Variants in GNAI1 observed in about 807,000 individuals in gnomAD.
GNAI1 encodes the protein guanine nucleotide-binding protein G(i) subunit alpha-1.
A neutral mutation model predicts 38.9 loss-of-function variants in GNAI1; 11 were observed. The ratio of observed to expected loss-of-function variants is 0.28; its 90% CI spans 0.18 to 0.47. GNAI1 has a LOEUF of 0.47. Ranked by LOEUF, GNAI1 falls within the 20% of genes least tolerant of loss-of-function variation. GNAI1 has a pLI of 0.99. For missense variants in GNAI1, 317 were observed against 436.9 expected (o/e 0.73, Z 2.45); for synonymous variants, 166 against 145.1 (o/e 1.14, Z -1.04).
intron 1 of GNAI1, among the ~76,000 whole-genome samples, chr7:80,184,516 A>T (rs1431999875): frequency 1.3e-5 from 2 of 152,106 alleles, no homozygotes; most frequent in East Asian, 3.9e-4. Flanking sequence ...GCATTCCTAG[A>T]GGAAGGTCAT....
chr7:80,189,919 A>G (rs968766766), intron 3 of GNAI1, among the ~76,000 whole-genome samples: 10 of 151,848 alleles, frequency 6.6e-5, no homozygotes, highest in African/African-American at 2.4e-4. Context: ...AGCCCAATCC[A>G]ATCCGTAAGG....
intron 1 of GNAI1, 105 bp downstream of exon 1, chr7:80,135,383 G>A (rs1787391598): frequency 3.3e-6 from 2 of 613,362 alleles, no homozygotes; most frequent in Non-Finnish European, 5.0e-6. Flanking sequence ...GGAAGCGCCC[G>A]AGGAGGCTTC....
Position 80,166,970 on chromosome 7 carries a change from A to G in GNAI1, c.119-21981A>G, listed in dbSNP as rs558160457. On this transcript the variant is annotated intron_variant, in intron 1 of 7. Coordinates refer to ENST00000649796, the MANE Select transcript of GNAI1 (RefSeq NM_002069.6). ...ATTAGAGTATATTACCTGAGATGTC[A>G]AACAGCCTGTGAGAGCTGATGAGGT... is the stretch of plus-strand genomic sequence containing the variant. Among the ~76,000 whole-genome samples the G allele has an allele frequency of 2.0e-5, 3 of 152,308 alleles. No individual in the cohort carries two copies. In the East Asian group the frequency reaches 5.8e-4, roughly 29 times the overall value.
In GNAI1 at chr7:80,225,957, T is replaced by C. The variant is rs1183309301; in HGVS notation, c.*8464T>C. Among the ~76,000 whole-genome samples the C allele has an allele frequency of 6.6e-6, 1 of 152,198 alleles. No individual in the cohort carries two copies. The highest frequency in any genetic ancestry group is 1.5e-5 in the Non-Finnish European group (1 of 68,028). On this transcript the variant is annotated 3_prime_UTR_variant, in exon 8 of 8. Coordinates refer to ENST00000649796, the MANE Select transcript of GNAI1 (RefSeq NM_002069.6). ...GTGTGCATCAAATAAAAGTTTACTA[T>C]ATTGGAATATGGGAATAAATTCATT...
chr7:80,140,219 C>G (rs1444985613), intron 1 of GNAI1, among the ~76,000 whole-genome samples: 1 of 152,058 alleles, frequency 6.6e-6, no homozygotes, highest in East Asian at 1.9e-4. Flanking sequence ...CTCCTGACCT[C>G]GTGATCCGCC....
At chr7:80,161,778 C>T (rs924994261) in intron 1 of GNAI1, among the ~76,000 whole-genome samples, 1 of 151,916 alleles carries the variant, frequency 6.6e-6, no homozygotes, top group African/African-American at 2.4e-5. Context: ...TTTAGCATCC[C>T]TTGGTTTATA....
rs376869657 is a variant in GNAI1 at position 80,187,186 on chromosome 7, G to GGT, written c.119-1746_119-1745dup. 8.2e-3 allele frequency: 1,164 copies of GGT among 142,422 alleles called. 19 individuals carry two copies. Among genetic ancestry groups the GGT allele is most frequent in the East Asian group, 0.049 (244 of 4,984 alleles). The allele number at this position is 142,422 out of a possible 1,614,324, so 8.8% of individuals were successfully genotyped here. A position where few individuals can be genotyped will look rare whatever the true frequency, so the allele number is the denominator to read the frequency against. On this transcript the variant is annotated intron_variant, in intron 1 of 7. Coordinates refer to ENST00000649796, the MANE Select transcript of GNAI1 (RefSeq NM_002069.6). ...CTTTTCAGATGCCTCTGATGATTTG[G>GGT]GTGTGTGTGTGTGTGTGTGTCTTTG...
chr7:80,193,296 G>A (rs1788513005), intron 3 of GNAI1, among the ~76,000 whole-genome samples: 1 of 152,026 alleles, frequency 6.6e-6, no homozygotes, highest in Admixed American at 6.6e-5. Context: ...AGGTTGATTT[G>A]GTAAGAATTG....
chr7:80,175,200 A>G (rs948113757), intron 1 of GNAI1, among the ~76,000 whole-genome samples: 2 of 152,246 alleles, frequency 1.3e-5, no homozygotes, highest in Non-Finnish European at 2.9e-5. Flanking sequence ...GTTGTCAGCA[A>G]TAAAATTTGA....
chr7:80,169,143 G>A (rs1315872680), intron 1 of GNAI1, among the ~76,000 whole-genome samples: 1 of 152,156 alleles, frequency 6.6e-6, no homozygotes, highest in East Asian at 1.9e-4. Context: ...TAAAATAGGG[G>A]GTAAGAACTG....
intron 1 of GNAI1, among the ~76,000 whole-genome samples, chr7:80,172,241 C>G (rs1788108852): frequency 6.6e-6 from 1 of 152,018 alleles, no homozygotes; most frequent in Admixed American, 6.5e-5. Context: ...GGGTCCAGTT[C>G]TAGAAATGCC....
chr7:80,158,028 G>A (rs1056040301), intron 1 of GNAI1, among the ~76,000 whole-genome samples: 2 of 151,990 alleles, frequency 1.3e-5, no homozygotes, highest in East Asian at 1.9e-4. Flanking sequence ...ATTTTTATAC[G>A]CTTATTTTCC....
chr7:80,216,646 C>G (rs10276981), intron 7 of GNAI1, among the ~76,000 whole-genome samples: 14,033 of 152,160 alleles, frequency 0.092, 817 homozygotes, highest in South Asian at 0.2. Flanking sequence ...AAGTGTATAT[C>G]TAGAAACTGA....
rs1406584101 is a variant in GNAI1 at position 80,225,405 on chromosome 7, A to G, written c.*7912A>G. Among the ~76,000 whole-genome samples, 1 of 152,138 alleles carries G rather than the reference A, an allele frequency of 6.6e-6. No homozygotes were observed. The highest frequency in any genetic ancestry group is 1.5e-5 in the Non-Finnish European group (1 of 68,018). ...ATCCAGTTTACAGACTCATCTCTTT[A>G]GTCTGCAGCCAAATCAAAAGATTAG... On this transcript the variant is annotated 3_prime_UTR_variant, in exon 8 of 8. Transcript: ENST00000649796.
At chr7:80,148,661 A>T (rs1787670855) in intron 1 of GNAI1, among the ~76,000 whole-genome samples, 1 of 152,128 alleles carries the variant, frequency 6.6e-6, no homozygotes, top group Non-Finnish European at 1.5e-5. Context: ...ATCCATGGAG[A>T]AATAAGTTGA....
chr7:80,135,570 C>A (rs1366875731), intron 1 of GNAI1: 2 of 337,864 alleles, frequency 5.9e-6, no homozygotes, highest in Admixed American at 5.0e-5. Context: ...GGCGGCGGGT[C>A]GCGTGGAAAC....
chr7:80,196,537 G>A (rs1308746374), intron 3 of GNAI1, among the ~76,000 whole-genome samples: 2 of 151,890 alleles, frequency 1.3e-5, no homozygotes, highest in African/African-American at 2.4e-5. Flanking sequence ...TCATCATTCT[G>A]TGCTTTTAAA....
At chr7:80,200,520 C>A (rs1788667438) in intron 4 of GNAI1, among the ~76,000 whole-genome samples, 1 of 151,974 alleles carries the variant, frequency 6.6e-6, no homozygotes, top group South Asian at 2.1e-4. Flanking sequence ...CTTGACACAG[C>A]TGTTGGCTGT....
intron 1 of GNAI1, among the ~76,000 whole-genome samples, chr7:80,163,841 A>G (rs1787964999): frequency 6.6e-6 from 1 of 152,092 alleles, no homozygotes; most frequent in Non-Finnish European, 1.5e-5. Context: ...TAAAAGCATC[A>G]CTGAGATTAC....
Sources: allele counts gnomAD v4.1 joint callset (sites outside exome capture counted in the v4.1 genomes callset), GRCh38; gene constraint gnomAD v4.1.1; transcripts MANE v1.5; gene names NCBI Gene and HGNC (gene_info 2026-07-23, HGNC 2026-07-21).